The following NOS1 variants were observed in gnomAD, a reference collection of about 807,000 sequenced individuals.
The protein encoded by NOS1 is nitric oxide synthase 1.
A neutral mutation model predicts 164.5 loss-of-function variants in NOS1; 51 were observed. The observed-to-expected ratio is 0.31, with a 90% CI of 0.25 to 0.39. The LOEUF is 0.39. NOS1 is among the 10% of genes least tolerant of loss of function. NOS1 has a pLI of 1.00. For synonymous variants in NOS1, 719 were observed against 745.8 expected, an observed-to-expected ratio of 0.96 and a Z score of 0.59; for missense variants, 1,362 against 1,885.6, an observed-to-expected ratio of 0.72 and a Z score of 5.14.
intron 3 of NOS1, chr12:117,304,983 A>G (rs1350052379): frequency 5.1e-6 from 5 of 983,926 alleles, no homozygotes; most frequent in Non-Finnish European, 3.6e-6. Flanking sequence ...ATTGCATTCT[A>G]TTGCCTTTTG....
intron 4 of NOS1, 142 bp from the exon 5 acceptor site, chr12:117,288,361 A>G (rs1193662906): frequency 1.4e-6 from 1 of 693,390 alleles, no homozygotes. Flanking sequence ...ACCAGCTTCA[A>G]ATCCTTGGTG....
chr12:117,324,228 C>T (rs980587440), intron 2 of NOS1, among the ~76,000 whole-genome samples: 6 of 152,108 alleles, frequency 3.9e-5, no homozygotes, highest in East Asian at 1.9e-4. Context: ...ATCCTACTTA[C>T]GGGGCAGAAT....
intron 2 of NOS1, among the ~76,000 whole-genome samples, chr12:117,323,883 G>A (rs2136067771): frequency 6.6e-6 from 1 of 152,202 alleles, no homozygotes; most frequent in South Asian, 2.1e-4. Flanking sequence ...CCAGGTTCAA[G>A]CGATTCTCCT....
rs370535620 is a variant in NOS1 at position 117,243,271 on chromosome 12, C to A, written c.2962+26G>T. The A allele has an allele frequency of 2.5e-6, 4 of 1,612,434 alleles. No individual in the cohort carries two copies. The highest frequency in any genetic ancestry group is 3.3e-5 in the Admixed American group (2 of 59,910). On this transcript the variant is annotated intron_variant, in intron 19 of 28. Coordinates refer to ENST00000317775, the MANE Select transcript of NOS1 (RefSeq NM_000620.5). This position sits in a 1 kb window ranked among gnomAD's most constrained non-coding sequence, Gnocchi z 4.3. ...GCCTTTCCCCCATTGTCACGAATAC[C>A]TCCCTGGAAGGGTGGTGGGAGGTAC...
At chr12:117,328,188 T>G (rs1875348743) in intron 2 of NOS1, among the ~76,000 whole-genome samples, 1 of 152,066 alleles carries the variant, frequency 6.6e-6, no homozygotes, top group Non-Finnish European at 1.5e-5. Flanking sequence ...TAATTAATTA[T>G]GAGATGGAGT....
rs1956479861 is a variant in NOS1 at position 117,208,638 on chromosome 12, T to A, written c.*6671A>T. Reference sequence around the variant, plus strand: ...GGACTGAGACCCAGCTCAAGAGCACTGGATCTCAGTGAGTCTTAATCAGAA... The same window carrying A: ...GGACTGAGACCCAGCTCAAGAGCACAGGATCTCAGTGAGTCTTAATCAGAA... On this transcript the variant is annotated 3_prime_UTR_variant, in exon 29 of 29. Coordinates refer to ENST00000317775, the MANE Select transcript of NOS1 (RefSeq NM_000620.5). 1.7e-6 allele frequency: 2 copies of A among 1,158,962 alleles called. No homozygotes were observed. Among genetic ancestry groups the A allele is most frequent in the Admixed American group, 7.8e-5 (2 of 25,680 alleles). The allele number at this position is 1,158,962 out of a possible 1,614,324, so 71.8% of individuals were successfully genotyped here.
chr12:117,253,327 C>T (rs1871225369), intron 17 of NOS1, among the ~76,000 whole-genome samples: 1 of 152,088 alleles, frequency 6.6e-6, no homozygotes, highest in Admixed American at 6.6e-5. Flanking sequence ...TTGGGAAGGG[C>T]AGCTCATTGA....
In NOS1 at chr12:117,213,778, G is replaced by A. The variant is rs1956563079; in HGVS notation, c.*1531C>T. The A allele has an allele frequency of 5.1e-6, 5 of 985,294 alleles. No individual in the cohort carries two copies. Among genetic ancestry groups the A allele is most frequent in the Non-Finnish European group, 6.0e-6 (5 of 829,946 alleles). The allele number at this position is 985,294 out of a possible 1,614,324, so 61.0% of individuals were successfully genotyped here. A position where few individuals can be genotyped will look rare whatever the true frequency, so the allele number is the denominator to read the frequency against. On this transcript the variant is annotated 3_prime_UTR_variant, in exon 29 of 29. Transcript: ENST00000317775. ...CATCCTTGGGGACCCTGCAGTCTGG[G>A]AGGCCACTAGGATTTCTTGTCTCTT...
intron 26 of NOS1, among the ~76,000 whole-genome samples, chr12:117,221,130 T>TTTTTTTTA (rs1555247741): frequency 1.4e-5 from 2 of 146,028 alleles, no homozygotes; most frequent in Non-Finnish European, 3.0e-5. Context: ...TTAAATTTAT[T>TTTTTTTTA]TTTATTTATT....
intron 1 of NOS1, among the ~76,000 whole-genome samples, chr12:117,360,986 C>T (rs931745960): frequency 2.8e-4 from 42 of 151,944 alleles, no homozygotes; most frequent in Non-Finnish European, 4.7e-4. Flanking sequence ...AGGCCGCCCG[C>T]TAGGAGGAAA....
At chr12:117,265,834 A>C (rs1187146215) in intron 11 of NOS1, among the ~76,000 whole-genome samples, 1 of 151,026 alleles carries the variant, frequency 6.6e-6, no homozygotes, top group Non-Finnish European at 1.5e-5. Context: ...TCTATCACCC[A>C]GGCTGGAGTG....
At chr12:117,306,019 C>T (rs774213814) in intron 3 of NOS1, among the ~76,000 whole-genome samples, 13 of 151,886 alleles carry the variant, frequency 8.6e-5, no homozygotes, top group East Asian at 1.9e-4. Flanking sequence ...TTCGAACTCC[C>T]GACCTCAGGT....
At position 117,331,291 on chromosome 12, in the gene NOS1, C is replaced by T; in HGVS notation, c.-222G>A. 2 of 571,008 alleles carry T rather than the reference C, an allele frequency of 3.5e-6. No individual in the cohort carries two copies. Among genetic ancestry groups the T allele is most frequent in the Admixed American group, 3.0e-5 (1 of 32,842 alleles). The allele number at this position is 571,008 out of a possible 1,614,324, so 35.4% of individuals were successfully genotyped here. On this transcript the variant is annotated 5_prime_UTR_variant, in exon 2 of 29. Coordinates refer to ENST00000317775, the MANE Select transcript of NOS1 (RefSeq NM_000620.5). ...CATGATTTCCTGCATCCGCCTCTCT[C>T]CTTATTCTCTAAGGAAGTGATGGTT...
At chr12:117,319,019 T>C (rs1271400510) in intron 2 of NOS1, among the ~76,000 whole-genome samples, 1 of 152,172 alleles carries the variant, frequency 6.6e-6, no homozygotes, top group Non-Finnish European at 1.5e-5. Flanking sequence ...TCATCATGCT[T>C]GGAGTGGGAG....
chr12:117,291,399 T>C (rs1873045775), intron 3 of NOS1, among the ~76,000 whole-genome samples: 2 of 152,106 alleles, frequency 1.3e-5, no homozygotes, highest in South Asian at 4.1e-4. Flanking sequence ...AGCCTCTTTA[T>C]GGGGACCTTT....
At chr12:117,316,411 G>A (rs555894352) in intron 2 of NOS1, among the ~76,000 whole-genome samples, 74 of 152,050 alleles carry the variant, frequency 4.9e-4, no homozygotes, top group Middle Eastern at 3.4e-3. Flanking sequence ...AGCACACCAC[G>A]TCCACCCTTA....
chr12:117,252,541 T>C (rs146016270), intron 17 of NOS1, among the ~76,000 whole-genome samples: 167 of 152,302 alleles, frequency 1.1e-3, no homozygotes, highest in South Asian at 3.7e-3. Flanking sequence ...GAGTGAACCC[T>C]AAAGTAAACT....
intron 3 of NOS1, among the ~76,000 whole-genome samples, chr12:117,303,173 C>T (rs1873938290): frequency 6.6e-6 from 1 of 152,190 alleles, no homozygotes; most frequent in Non-Finnish European, 1.5e-5. Flanking sequence ...CAGACCCAGG[C>T]TGGCTGGGGC....
At chr12:117,235,777 T>C (rs1869657496) in intron 20 of NOS1, among the ~76,000 whole-genome samples, 1 of 152,186 alleles carries the variant, frequency 6.6e-6, no homozygotes, top group African/African-American at 2.4e-5. Context: ...GCACGGTGGC[T>C]CACGCCTGTA....
Sources: allele counts gnomAD v4.1 joint callset (sites outside exome capture counted in the v4.1 genomes callset), GRCh38; gene constraint gnomAD v4.1.1; non-coding constraint Gnocchi (gnomAD v3.1); transcripts MANE v1.5; gene names NCBI Gene and HGNC (gene_info 2026-07-23, HGNC 2026-07-21).